Variants in PPP2R2B observed in about 807,000 individuals in gnomAD.
PPP2R2B encodes the protein protein phosphatase 2 regulatory subunit Bbeta.
A neutral mutation model predicts 46.0 loss-of-function variants in PPP2R2B; 5 were observed. That is an observed-to-expected ratio of 0.11 (90% CI 0.06 to 0.23). The LOEUF (loss-of-function observed/expected upper bound fraction) is 0.23. Among genes scored for constraint, PPP2R2B ranks in the 10% least tolerant of loss-of-function variants. PPP2R2B has a pLI of 1.00. For synonymous variants in PPP2R2B, 215 were observed against 206.7 expected (o/e 1.04, Z -0.34); for missense variants, 367 against 575.0 (o/e 0.64, Z 3.70).
At chr5:146,923,705 A>T (rs1373722087) in intron 1 of PPP2R2B, among the ~76,000 whole-genome samples, 4 of 152,220 alleles carry the variant, frequency 2.6e-5, no homozygotes, top group African/African-American at 9.6e-5. Flanking sequence ...TTGACCCAGC[A>T]ATCCCATTAC....
Position 147,002,449 on chromosome 5 carries a change from G to C in PPP2R2B, c.79+53216C>G, listed in dbSNP as rs566616026. Among the ~76,000 whole-genome samples the C allele has an allele frequency of 1.4e-4, 21 of 152,164 alleles. No individual in the cohort carries two copies. In the South Asian group the frequency reaches 4.2e-3, roughly 30 times the overall value. On this transcript the variant is annotated intron_variant, in intron 1 of 8. Coordinates refer to the PPP2R2B transcript ENST00000336640. ...GTATGGCCCTCCACTTCATTTTTGG[G>C]GCATAACATCTTTATAGGAAATGGA...
chr5:146,582,342 A>G lies in PPP2R2B; in HGVS notation c.*7605T>C, dbSNP rs887880237. ...TGGATGTGATAATGTTGCTTCCTGCATCAGTGAACATGGTATTGATTGTAA... is the reference window on the plus strand; with the variant it reads ...TGGATGTGATAATGTTGCTTCCTGCGTCAGTGAACATGGTATTGATTGTAA... On this transcript the variant is annotated 3_prime_UTR_variant, in exon 10 of 10. Transcript: ENST00000394411. The G allele has an allele frequency of 6.6e-6, 1 of 152,248 alleles. No homozygotes were observed. Among genetic ancestry groups the G allele is most frequent in the African/African-American group, 2.4e-5 (1 of 41,458 alleles). 9.4% of individuals were successfully genotyped at this position (152,248 alleles called of 1,614,324 possible). A position where few individuals can be genotyped will look rare whatever the true frequency, so the allele number is the denominator to read the frequency against.
At chr5:146,670,076 A>G (rs1048133221) in intron 5 of PPP2R2B, among the ~76,000 whole-genome samples, 2 of 152,226 alleles carry the variant, frequency 1.3e-5, no homozygotes, top group Non-Finnish European at 2.9e-5. Context: ...TGTGATTAGC[A>G]TAGGAGTAAA....
At chr5:146,802,568 C>A (rs554526713) in intron 2 of PPP2R2B, among the ~76,000 whole-genome samples, 83 of 152,170 alleles carry the variant, frequency 5.5e-4, no homozygotes, top group African/African-American at 1.9e-3. Flanking sequence ...TTCAGTATCC[C>A]CAGGTGATGC....
At chr5:147,001,914 A>G (rs1373476826) in intron 1 of PPP2R2B, among the ~76,000 whole-genome samples, 1 of 152,166 alleles carries the variant, frequency 6.6e-6, no homozygotes, top group African/African-American at 2.4e-5. Flanking sequence ...CCAAGGGTCA[A>G]CAGAGAGGAA....
chr5:146,870,681 G>C (rs141327822), intron 2 of PPP2R2B, among the ~76,000 whole-genome samples: 1 of 152,128 alleles, frequency 6.6e-6, no homozygotes, highest in Admixed American at 6.5e-5. Context: ...TCTTCGCCAC[G>C]CTCCGTCCAA....
Position 146,760,236 on chromosome 5 carries a change from T to G in PPP2R2B, c.71-59094A>C, listed in dbSNP as rs79701672. ...GTGCTTTATATGTACCCTCTTAATA[T>G]TCCTGGCAACCCTATAAGGTATTGC... On this transcript the variant is annotated intron_variant, in intron 2 of 9. Transcript: ENST00000394411. Among the ~76,000 whole-genome samples, 1,118 of 152,294 alleles carry G rather than the reference T, an allele frequency of 7.3e-3. 30 individuals are homozygous for G. The highest frequency in any genetic ancestry group is 0.069 in the East Asian group (360 of 5,188).
chr5:146,892,464 T>C (rs567805540), intron 1 of PPP2R2B, among the ~76,000 whole-genome samples: 2 of 152,322 alleles, frequency 1.3e-5, no homozygotes, highest in Admixed American at 6.5e-5. Flanking sequence ...CATGCACACA[T>C]GCACGTGAGC....
chr5:146,608,840 C>T (rs1216685800), intron 7 of PPP2R2B, among the ~76,000 whole-genome samples: 2 of 152,074 alleles, frequency 1.3e-5, no homozygotes, highest in Non-Finnish European at 2.9e-5. Context: ...AGTCACCAAG[C>T]CCATATCGAA....
At chr5:146,695,419 T>C (rs191568946) in intron 4 of PPP2R2B, among the ~76,000 whole-genome samples, 19 of 152,304 alleles carry the variant, frequency 1.2e-4, no homozygotes, top group African/African-American at 4.6e-4. Flanking sequence ...TCATAAATAA[T>C]TTGAGAGTCT....
intron 2 of PPP2R2B, among the ~76,000 whole-genome samples, chr5:146,808,958 GGTGTGTGTGT>G (rs35023590): frequency 4.2e-4 from 61 of 146,372 alleles, no homozygotes; most frequent in South Asian, 2.2e-3. Context: ...TGCTAACACT[GGTGTGTGTGT>G]GTGTGTGTGT....
chr5:146,632,072 C>CCG (rs1554116658), intron 7 of PPP2R2B, among the ~76,000 whole-genome samples: 4 of 133,842 alleles, frequency 3.0e-5, no homozygotes, highest in African/African-American at 1.1e-4. Context: ...CCCCCCCCCC[C>CCG]GCCCATTCAT....
At chr5:146,788,950 A>G (rs1582106304) in intron 2 of PPP2R2B, among the ~76,000 whole-genome samples, 1 of 152,290 alleles carries the variant, frequency 6.6e-6, no homozygotes, top group East Asian at 1.9e-4. Context: ...CCTGGCACAA[A>G]CATTGGTAAA....
rs74756015 is a variant in PPP2R2B, at chr5:146,804,799, G to A, written c.70+73203C>T. ...TGGCCTTGAAATCAAAGAGGAGCAG[G>A]TCGCCTGAGGAGAAGCATATGTTTA... On this transcript the variant is annotated intron_variant, in intron 2 of 9. Transcript: ENST00000394411. Among the ~76,000 whole-genome samples the A allele has an allele frequency of 5.5e-3, 837 of 152,244 alleles. 9 individuals are homozygous for A. Among genetic ancestry groups the A allele is most frequent in the African/African-American group, 0.019 (789 of 41,540 alleles).
At chr5:146,759,665 A>G (rs757330860) in intron 2 of PPP2R2B, among the ~76,000 whole-genome samples, 9 of 152,050 alleles carry the variant, frequency 5.9e-5, no homozygotes, top group Non-Finnish European at 1.3e-4. Flanking sequence ...CTCTGCAGGT[A>G]TCTTCATCTA....
chr5:146,653,542 G>A (rs1644575), intron 5 of PPP2R2B, among the ~76,000 whole-genome samples: 99,777 of 151,986 alleles, frequency 0.66, 34,868 homozygotes, highest in Non-Finnish European at 0.77. Context: ...GGACCCCAAG[G>A]GTCACAAAAG....
intron 2 of PPP2R2B, among the ~76,000 whole-genome samples, chr5:146,795,827 A>G (rs1263964455): frequency 2.0e-5 from 3 of 152,162 alleles, no homozygotes; most frequent in Admixed American, 6.5e-5. Flanking sequence ...GTCAATTTGC[A>G]TGACTAAAAA....
intron 2 of PPP2R2B, chr5:146,706,367 C>G (rs11957376): frequency 3.2e-6 from 2 of 634,264 alleles, no homozygotes; most frequent in East Asian, 4.2e-5. Context: ...GCCTGTGAGG[C>G]CCCCATAGGC....
rs1454897270 is a variant in PPP2R2B at position 146,588,967 on chromosome 5, A to AAAG, written c.*977_*979dup. On this transcript the variant is annotated 3_prime_UTR_variant, in exon 10 of 10. Transcript: ENST00000394411. ...GGTGCTGCTTAGGAGAAACACCCAA[A>AAAG]AAGAACAGACCAGCCTTTCTCAGGG... is the stretch of plus-strand genomic sequence containing the variant. The AAAG allele has an allele frequency of 6.6e-6, 1 of 152,200 alleles. No individual in the cohort carries two copies. The highest frequency in any genetic ancestry group is 1.5e-5 in the Non-Finnish European group (1 of 68,058). The allele number at this position is 152,200 out of a possible 1,614,324, so 9.4% of individuals were successfully genotyped here. A position where few individuals can be genotyped will look rare whatever the true frequency, so the allele number is the denominator to read the frequency against.
Sources: gnomAD v4.1 joint callset for allele counts (sites outside exome capture counted in the v4.1 genomes callset) on GRCh38, gnomAD v4.1.1 for gene constraint, MANE v1.5 for transcripts, NCBI Gene and HGNC (gene_info 2026-07-23, HGNC 2026-07-21) for gene names.